The following NAA25 variants were observed in gnomAD, a reference collection of about 807,000 sequenced individuals.
The protein encoded by NAA25 is N-alpha-acetyltransferase 25, NatB auxiliary subunit, also known as N-terminal acetyltransferase B complex subunit NAA25.
A neutral mutation model predicts 132.5 loss-of-function variants in NAA25; 30 were observed. The ratio of observed to expected loss-of-function variants is 0.23; its 90% confidence interval spans 0.17 to 0.31. The LOEUF is 0.31. NAA25 is among the 10% of genes least tolerant of loss of function. The pLI is 1.00. For synonymous variants in NAA25, 359 were observed against 401.9 expected, an observed-to-expected ratio of 0.89 and a Z score of 1.28; for missense variants, 771 against 1,150.4, an observed-to-expected ratio of 0.67 and a Z score of 4.77.
rs554020052 is a variant in NAA25 at position 112,088,915 on chromosome 12, C to T, written c.284-1114G>A. On this transcript the variant is annotated intron_variant, in intron 3 of 23. Transcript: ENST00000261745. ...GATTACAGGCGTGAGCCACTGCGCC[C>T]GGCTGAAAGTGCATTTTTTATCTTT... Among the ~76,000 whole-genome samples the T allele has an allele frequency of 2.6e-5, 4 of 152,212 alleles. No homozygotes were observed. The South Asian group carries it at 6.2e-4, about 24-fold the overall frequency.
At chr12:112,073,060 C>A (rs1428253759) in intron 9 of NAA25, among the ~76,000 whole-genome samples, 2 of 151,786 alleles carry the variant, frequency 1.3e-5, no homozygotes, top group African/African-American at 4.8e-5. Flanking sequence ...ATGGTAAAAC[C>A]CCATCTCTAC....
chr12:112,099,422 C>T (rs1760320621), intron 1 of NAA25, among the ~76,000 whole-genome samples: 1 of 151,892 alleles, frequency 6.6e-6, no homozygotes, highest in Non-Finnish European at 1.5e-5. Context: ...TACAAGTTTT[C>T]CACTCATAGC....
intron 1 of NAA25, among the ~76,000 whole-genome samples, chr12:112,104,971 C>G (rs527277481): frequency 2.6e-5 from 4 of 151,842 alleles, no homozygotes; most frequent in Admixed American, 1.3e-4. Context: ...GAGCCAAGAT[C>G]GCGCCACTGC....
At chr12:112,050,250 G>C (rs749936922) in intron 15 of NAA25, among the ~76,000 whole-genome samples, 1 of 152,140 alleles carries the variant, frequency 6.6e-6, no homozygotes, top group Non-Finnish European at 1.5e-5. Context: ...CAAGGCTGTG[G>C]AAGTAGTACT....
chr12:112,061,278 C>A lies in NAA25; in HGVS notation c.1260G>T (p.Leu420=). The part of the protein sequence containing the change: ...ALQQHLCVVQ[L]TRLLGLYHTM... ...TGTGGTACAAGCCAAGTAACCTCGTCAGCTGCACCACACACAAATGTTGCT... is the reference window on the plus strand; with the variant it reads ...TGTGGTACAAGCCAAGTAACCTCGTAAGCTGCACCACACACAAATGTTGCT... The change falls in exon 12 of 24, where the codon CTG becomes CTT. Residue 420 remains leucine (L), a synonymous_variant. Coordinates refer to ENST00000261745, the MANE Select transcript of NAA25 (RefSeq NM_024953.4). 6.2e-7 allele frequency: 1 copy of A among 1,614,152 alleles called. No homozygotes were observed. The highest frequency in any genetic ancestry group is 8.5e-7 in the Non-Finnish European group (1 of 1,180,024).
intron 20 of NAA25, among the ~76,000 whole-genome samples, chr12:112,041,635 C>T (rs746288489): frequency 2.0e-5 from 3 of 152,026 alleles, no homozygotes; most frequent in Non-Finnish European, 4.4e-5. Context: ...AACAATTTGT[C>T]CCAAGATATT....
In NAA25 at chr12:112,075,693, C is replaced by A. The variant is rs372608019; in HGVS notation, c.761G>T (p.Arg254Leu). 1.2e-6 allele frequency: 2 copies of A among 1,613,652 alleles called. No homozygotes were observed. Among genetic ancestry groups the A allele is most frequent in the Non-Finnish European group, 8.5e-7 (1 of 1,179,728 alleles). ...RWPECNALSR[R>L]LLLKNSDDWQ... ...TTTTACTCACTTTTTTAGTAAGAGG[C>A]GCCGGGAAAGGGCATTGCACTCTGG... The change falls in exon 8 of 24, where the codon CGC becomes CTC. Residue 254 changes from arginine to leucine, a missense_variant. Coordinates refer to ENST00000261745, the MANE Select transcript of NAA25 (RefSeq NM_024953.4).
intron 7 of NAA25, among the ~76,000 whole-genome samples, chr12:112,076,697 TAA>T (rs1158237412): frequency 2.1e-5 from 3 of 143,488 alleles, no homozygotes; most frequent in Admixed American, 7.0e-5. Context: ...TAATGTAGTT[TAA>T]AAAAAAAAAA....
intron 22 of NAA25, among the ~76,000 whole-genome samples, chr12:112,037,182 T>G (rs1468710617): frequency 1.3e-5 from 2 of 150,606 alleles, no homozygotes; most frequent in Admixed American, 6.6e-5. Context: ...AATTTGAGCA[T>G]CCAAATGAAA....
In NAA25 at chr12:112,049,883, C is replaced by G. The variant is rs1194506247; in HGVS notation, c.1729-1440G>C. Among the ~76,000 whole-genome samples the G allele has an allele frequency of 6.6e-6, 1 of 151,858 alleles. No homozygotes were observed. Among genetic ancestry groups the G allele is most frequent in the African/African-American group, 2.4e-5 (1 of 41,306 alleles). ...GGAAAAAAAAACAGCTGGTTAGGAA[C>G]ACATGATTCAGTAATTAATCAAAAA... On this transcript the variant is annotated intron_variant, in intron 15 of 23. Coordinates refer to ENST00000261745, the MANE Select transcript of NAA25 (RefSeq NM_024953.4). The surrounding 1 kb of genome is among the most constrained non-coding windows in gnomAD (Gnocchi z 4.7).
Position 112,059,341 on chromosome 12 carries a change from C to T in NAA25, c.1447+929G>A, listed in dbSNP as rs536796213. Among the ~76,000 whole-genome samples the T allele has an allele frequency of 4.3e-4, 66 of 152,128 alleles. 1 individual carries two copies. Among genetic ancestry groups the T allele is most frequent in the African/African-American group, 1.4e-3 (59 of 41,540 alleles). On this transcript the variant is annotated intron_variant, in intron 13 of 23. Transcript: ENST00000261745. Reference sequence around the variant, plus strand: ...CAGGGGTTGTGTTTATCTTGCTTACCACTGTCTCTTCAGCCCTTTGTTTCT... The same window carrying T: ...CAGGGGTTGTGTTTATCTTGCTTACTACTGTCTCTTCAGCCCTTTGTTTCT...
At chr12:112,087,932 T>C (rs373198118) in intron 3 of NAA25, 131 bp from the exon 4 acceptor site, 41 of 630,532 alleles carry the variant, frequency 6.5e-5, no homozygotes, top group African/African-American at 6.4e-4. Context: ...CCTCATCCAA[T>C]CATCATTCAT....
At chr12:112,108,186 G>A (rs1479642555) in intron 1 of NAA25, among the ~76,000 whole-genome samples, 1 of 152,156 alleles carries the variant, frequency 6.6e-6, no homozygotes, top group Non-Finnish European at 1.5e-5. Flanking sequence ...TCTCGGGCCT[G>A]CTCCTGACTC....
chr12:112,029,344 G>C lies in NAA25; in HGVS notation c.*187C>G, dbSNP rs1271336166. 1 of 898,052 alleles carries C rather than the reference G, an allele frequency of 1.1e-6. No individual in the cohort carries two copies. Among genetic ancestry groups the C allele is most frequent in the African/African-American group, 1.7e-5 (1 of 59,484 alleles). The allele number at this position is 898,052 out of a possible 1,614,324, so 55.6% of individuals were successfully genotyped here. On this transcript the variant is annotated 3_prime_UTR_variant, in exon 24 of 24. Coordinates refer to ENST00000261745, the MANE Select transcript of NAA25 (RefSeq NM_024953.4). Reference sequence around the variant, plus strand: ...AAACCCAGATGAGGGTCCCGCTTCTGGTTTATATACAATAATTTAATCAGT... The same window carrying C: ...AAACCCAGATGAGGGTCCCGCTTCTCGTTTATATACAATAATTTAATCAGT...
intron 11 of NAA25, among the ~76,000 whole-genome samples, chr12:112,062,512 G>A (rs1047919257): frequency 1.8e-4 from 27 of 152,162 alleles, no homozygotes; most frequent in African/African-American, 6.5e-4. Flanking sequence ...ATTGCCTGAG[G>A]TCAGGGGTTC....
chr12:112,080,734 C>T (rs544588949), intron 5 of NAA25, among the ~76,000 whole-genome samples: 13 of 152,130 alleles, frequency 8.5e-5, no homozygotes, highest in Admixed American at 6.5e-4. Context: ...TTCCTGACCT[C>T]GTGATCCACC....
At chr12:112,043,298 C>T in intron 18 of NAA25, 87 bp from the exon 19 acceptor site, 4 of 1,388,230 alleles carry the variant, frequency 2.9e-6, no homozygotes, top group Non-Finnish European at 3.9e-6. Flanking sequence ...TAGATAAAAA[C>T]CTGTCTCAGC....
At chr12:112,087,524 T>C (rs1165917252) in intron 4 of NAA25, among the ~76,000 whole-genome samples, 159 bp downstream of exon 4, 1 of 152,256 alleles carries the variant, frequency 6.6e-6, no homozygotes, top group African/African-American at 2.4e-5. Flanking sequence ...ATAGTTCAAC[T>C]TTAAACACAT....
Position 112,045,097 on chromosome 12 carries a change from C to T in NAA25, c.2007-1229G>A, listed in dbSNP as rs541885988. ...ATGCAAATGATAGAAAAATGTAAAA[C>T]GTAGAAAAGGTGCCCTGATAACCAA... is the stretch of plus-strand genomic sequence containing the variant. On this transcript the variant is annotated intron_variant, in intron 17 of 23. Coordinates refer to ENST00000261745, the MANE Select transcript of NAA25 (RefSeq NM_024953.4). Among the ~76,000 whole-genome samples, 41 of 151,982 alleles carry T rather than the reference C, an allele frequency of 2.7e-4. 1 individual carries two copies. Among genetic ancestry groups the T allele is most frequent in the Admixed American group, 1.8e-3 (27 of 15,256 alleles).
Sources: allele counts gnomAD v4.1 joint callset (sites outside exome capture counted in the v4.1 genomes callset), GRCh38; gene constraint gnomAD v4.1.1; non-coding constraint Gnocchi (gnomAD v3.1); transcripts MANE v1.5; gene names NCBI Gene and HGNC (gene_info 2026-07-23, HGNC 2026-07-21).